HPSE2: variants seen among roughly 807,000 people sequenced by gnomAD.
HPSE2 encodes heparanase 2 (inactive).
Under a neutral mutation model 60.5 loss-of-function variants are expected in HPSE2, and 38 were observed. The ratio of observed to expected loss-of-function variants is 0.63; its 90% confidence interval spans 0.48 to 0.82. The LOEUF (loss-of-function observed/expected upper bound fraction) is 0.82, where lower values mean the gene tolerates loss of function less well. Ranked by LOEUF, HPSE2 falls within the 40% of genes least tolerant of loss-of-function variation. The pLI, the probability that HPSE2 is intolerant of heterozygous loss-of-function variation, is 0.00. For missense variants in HPSE2, 713 were observed against 740.4 expected (o/e 0.96, Z 0.43); for synonymous variants, 295 against 293.2 (o/e 1.01, Z -0.06).
chr10:98,817,076 G>A (rs545954551), intron 3 of HPSE2, among the ~76,000 whole-genome samples: 4 of 151,956 alleles, frequency 2.6e-5, no homozygotes, highest in African/African-American at 9.7e-5. Flanking sequence ...CCTCCCTTTG[G>A]TTGAGGTCAA....
At position 99,126,881 on chromosome 10, in the gene HPSE2, A is replaced by G. The variant is rs1564828252; in HGVS notation, c.610+17357T>C. On this transcript the variant is annotated intron_variant, in intron 3 of 11. Coordinates refer to ENST00000370552, the MANE Select transcript of HPSE2 (RefSeq NM_021828.5). The surrounding 1 kb of genome is among the most constrained non-coding windows in gnomAD (Gnocchi z 4.0). ...CCTGGGAGCCCCACTTGATAGCGAG[A>G]CCCAGAAGGGCAATAATGATCATTG... Among the ~76,000 whole-genome samples the G allele has an allele frequency of 6.6e-6, 1 of 152,048 alleles. No individual in the cohort carries two copies. The highest frequency in any genetic ancestry group is 1.5e-5 in the Non-Finnish European group (1 of 68,006).
intron 3 of HPSE2, among the ~76,000 whole-genome samples, chr10:98,839,330 G>A (rs894988089): frequency 6.6e-6 from 1 of 152,094 alleles, no homozygotes. Context: ...AACCCTTACC[G>A]AAGCCTCCCC....
intron 3 of HPSE2, among the ~76,000 whole-genome samples, chr10:98,749,490 C>T (rs1949705179): frequency 6.7e-6 from 1 of 149,540 alleles, no homozygotes; most frequent in Non-Finnish European, 1.5e-5. Flanking sequence ...TGTATATATA[C>T]AGATATATAT....
intron 9 of HPSE2, among the ~76,000 whole-genome samples, chr10:98,598,770 C>G (rs1333516921): frequency 6.6e-6 from 1 of 151,704 alleles, no homozygotes; most frequent in African/African-American, 2.4e-5. Flanking sequence ...CTGGTGTCAT[C>G]AGGACTGGCC....
intron 5 of HPSE2, among the ~76,000 whole-genome samples, chr10:98,709,251 T>G (rs184732807): frequency 9.8e-5 from 15 of 152,314 alleles, no homozygotes; most frequent in Admixed American, 9.2e-4. Context: ...GGAATAGTGC[T>G]GTCAGGAGTG....
intron 5 of HPSE2, among the ~76,000 whole-genome samples, chr10:98,702,096 T>C (rs924729628): frequency 6.6e-6 from 1 of 151,926 alleles, no homozygotes. Context: ...AGGCTCAAAA[T>C]AAAGGGATGG....
At chr10:98,510,848 G>A (rs1398032322) in intron 9 of HPSE2, among the ~76,000 whole-genome samples, 1 of 152,006 alleles carries the variant, frequency 6.6e-6, no homozygotes, top group Non-Finnish European at 1.5e-5. Flanking sequence ...AAATGAGGCT[G>A]ACTAAAGTAT....
At chr10:98,670,984 G>A (rs376832487) in intron 6 of HPSE2, among the ~76,000 whole-genome samples, 15 of 152,264 alleles carry the variant, frequency 9.9e-5, no homozygotes, top group African/African-American at 2.6e-4. Context: ...TCTGCAGCTC[G>A]TCCTGCTACA....
chr10:99,298,609 T>C, the HPSE2 span, among the ~76,000 whole-genome samples: 1 of 152,110 alleles, frequency 6.6e-6, no homozygotes, highest in Non-Finnish European at 1.5e-5. Context: ...AATGATACTG[T>C]ACAATTAGAC....
chr10:98,629,887 C>T (rs867366740), intron 7 of HPSE2, among the ~76,000 whole-genome samples: 6 of 152,232 alleles, frequency 3.9e-5, no homozygotes, highest in Non-Finnish European at 5.9e-5. Context: ...AACAATATTT[C>T]GCCAAAATTC....
chr10:99,173,739 T>C (rs1218383328), intron 2 of HPSE2, among the ~76,000 whole-genome samples: 1 of 151,832 alleles, frequency 6.6e-6, no homozygotes, highest in Admixed American at 6.6e-5. Flanking sequence ...AGGTCAGGAG[T>C]TCGAGACCAG....
At chr10:99,206,826 A>C (rs1024396678) in intron 2 of HPSE2, among the ~76,000 whole-genome samples, 3 of 152,014 alleles carry the variant, frequency 2.0e-5, no homozygotes, top group African/African-American at 7.2e-5. Flanking sequence ...AGATAGAATC[A>C]ATGAAATCAA....
chr10:98,856,804 C>A (rs1952327119), intron 3 of HPSE2, among the ~76,000 whole-genome samples: 1 of 152,092 alleles, frequency 6.6e-6, no homozygotes, highest in Non-Finnish European at 1.5e-5. Flanking sequence ...AGTCACCCCA[C>A]ATGTAGTCAT....
chr10:98,522,372 G>C (rs973869904), intron 9 of HPSE2, among the ~76,000 whole-genome samples: 8 of 152,120 alleles, frequency 5.3e-5, no homozygotes, highest in Admixed American at 5.2e-4. Flanking sequence ...GTACTTTGCT[G>C]TTTATGAAGA....
At chr10:98,641,278 A>G (rs190135911) in intron 7 of HPSE2, among the ~76,000 whole-genome samples, 1 of 152,276 alleles carries the variant, frequency 6.6e-6, no homozygotes, top group Admixed American at 6.5e-5. Flanking sequence ...ATAAACAAAT[A>G]CTTCATATTA....
In HPSE2 at chr10:98,626,116, AAG is replaced by A. The variant is rs1327728946; in HGVS notation, c.1099-5410_1099-5409del. ...GCGAGACTCCGTCTCAAAAAAAAAAAAGAAAAAGAAAAAAGAAAAAAGATGAA... is the reference window on the plus strand; with the variant it reads ...GCGAGACTCCGTCTCAAAAAAAAAAAAAAAAGAAAAAAGAAAAAAGATGAA... On this transcript the variant is annotated intron_variant, in intron 7 of 11. Transcript: ENST00000370552. Among the ~76,000 whole-genome samples, 30 of 91,448 alleles carry A rather than the reference AAG, an allele frequency of 3.3e-4. 1 individual carries two copies. Among genetic ancestry groups the A allele is most frequent in the African/African-American group, 1.0e-3 (27 of 26,236 alleles). The allele number at this position is 91,448 out of a possible 152,430, so 60.0% of individuals were successfully genotyped here. A position where few individuals can be genotyped will look rare whatever the true frequency, so the allele number is the denominator to read the frequency against.
At chr10:98,859,949 T>C (rs183200832) in intron 3 of HPSE2, among the ~76,000 whole-genome samples, 225 of 152,350 alleles carry the variant, frequency 1.5e-3, no homozygotes, top group Non-Finnish European at 2.6e-3. Flanking sequence ...ATGATTATAA[T>C]ATATTGTTAT....
At chr10:98,929,520 A>G (rs900513644) in intron 3 of HPSE2, among the ~76,000 whole-genome samples, 3 of 144,012 alleles carry the variant, frequency 2.1e-5, no homozygotes, top group Non-Finnish European at 4.5e-5. Flanking sequence ...AGATAAGCCC[A>G]GTTTTGTAAA....
At chr10:98,820,713 C>T (rs1348415095) in intron 3 of HPSE2, among the ~76,000 whole-genome samples, 2 of 152,162 alleles carry the variant, frequency 1.3e-5, no homozygotes, top group Admixed American at 6.5e-5. Flanking sequence ...GAGTTCAACA[C>T]AGACCCATTG....
Sources: gnomAD v4.1 joint callset for allele counts (sites outside exome capture counted in the v4.1 genomes callset) on GRCh38, gnomAD v4.1.1 for gene constraint, Gnocchi (gnomAD v3.1) non-coding constraint, MANE v1.5 for transcripts, NCBI Gene and HGNC (gene_info 2026-07-23, HGNC 2026-07-21) for gene names.